The following STX18 variants were observed in gnomAD, a reference collection of about 807,000 sequenced individuals.
STX18 encodes the protein syntaxin-18.
STX18 carries 40 observed loss-of-function variants against 50.1 expected under a neutral mutation model. That is an observed-to-expected ratio of 0.80 (90% CI 0.62 to 1.04). The LOEUF (loss-of-function observed/expected upper bound fraction) is 1.04. STX18 is among the 50% of genes least tolerant of loss of function. STX18 has a pLI of 0.00. For synonymous variants in STX18, 158 were observed against 151.8 expected (o/e 1.04, Z -0.30); for missense variants, 410 against 415.8 (o/e 0.99, Z 0.12).
intron 5 of STX18, among the ~76,000 whole-genome samples, chr4:4,445,223 G>A (rs1036493162): frequency 6.6e-6 from 1 of 152,066 alleles, no homozygotes. Flanking sequence ...CCTGGCCAAC[G>A]AGGTGAAACC....
chr4:4,504,639 A>G (rs1266653123), intron 1 of STX18, among the ~76,000 whole-genome samples: 1 of 152,210 alleles, frequency 6.6e-6, no homozygotes, highest in Non-Finnish European at 1.5e-5. Flanking sequence ...ACAAAAAACT[A>G]AATTAAAAAT....
chr4:4,470,355 C>A (rs1480774537), intron 2 of STX18, among the ~76,000 whole-genome samples: 1 of 152,170 alleles, frequency 6.6e-6, no homozygotes, highest in Non-Finnish European at 1.5e-5. Flanking sequence ...TGCCAAATGT[C>A]CCCTGGGGTG....
intron 1 of STX18, chr4:4,507,491 AGAG>A (rs1193809621): frequency 5.2e-6 from 4 of 765,992 alleles, no homozygotes; most frequent in South Asian, 2.7e-5. Flanking sequence ...TTTATCGCTC[AGAG>A]GAGAATTCTG....
intron 5 of STX18, among the ~76,000 whole-genome samples, chr4:4,456,247 G>T (rs1455340583): frequency 6.6e-6 from 1 of 151,392 alleles, no homozygotes; most frequent in Admixed American, 6.6e-5. Context: ...GACAGGGTGA[G>T]ACCCTGTCTC....
intron 7 of STX18, 62 bp from the exon 8 acceptor site, chr4:4,425,284 G>T: frequency 6.8e-7 from 1 of 1,466,198 alleles, no homozygotes; most frequent in East Asian, 2.3e-5. Flanking sequence ...AGTCTAGCAA[G>T]AAAGCGGACC....
intron 9 of STX18, among the ~76,000 whole-genome samples, chr4:4,423,098 C>T (rs935313393): frequency 3.9e-5 from 6 of 152,216 alleles, no homozygotes; most frequent in African/African-American, 1.2e-4. Flanking sequence ...AGCAACTGCC[C>T]GTCAGCATCG....
In STX18 at chr4:4,499,533, A is replaced by G. The variant is rs151063849; in HGVS notation, c.169-27827T>C. 7.4e-4 allele frequency: 728 copies of G among 985,454 alleles called. 2 individuals carry two copies. The African/African-American group carries it at 0.011, about 15-fold the overall frequency. 61.0% of individuals were successfully genotyped at this position (985,454 alleles called of 1,614,324 possible). ...GCAAAGAAACAGCAAAATGGATCCC[A>G]GCAAGCCTAGCACTGATTAAAGCTG... On this transcript the variant is annotated intron_variant, in intron 1 of 10. Transcript: ENST00000306200.
chr4:4,463,582 A>G (rs112056699), intron 2 of STX18, among the ~76,000 whole-genome samples: 16 of 152,222 alleles, frequency 1.1e-4, no homozygotes, highest in African/African-American at 3.6e-4. Flanking sequence ...TTAATAAGTG[A>G]TTTGTATGAA....
chr4:4,463,726 C>T (rs775708858), intron 2 of STX18, among the ~76,000 whole-genome samples: 17 of 152,270 alleles, frequency 1.1e-4, no homozygotes, highest in Non-Finnish European at 2.1e-4. Flanking sequence ...CCTATCAAAT[C>T]AGTATTTGAT....
chr4:4,455,943 A>C (rs75537978), intron 5 of STX18, among the ~76,000 whole-genome samples: 3,660 of 152,152 alleles, frequency 0.024, 141 homozygotes, highest in African/African-American at 0.083. Flanking sequence ...CTCTTAGTGA[A>C]TCCTAGAACC....
rs976758639 is a variant in STX18, at chr4:4,535,686, A to G, written c.168+6111T>C. On this transcript the variant is annotated intron_variant, in intron 1 of 10. Transcript: ENST00000306200. ...TCCTGCCATATTTAAAAAGAAATCT[A>G]TATGATTCAGCACACTCATGCTCTG... Among the ~76,000 whole-genome samples the G allele has an allele frequency of 3.3e-5, 5 of 152,128 alleles. No individual in the cohort carries two copies. In the South Asian group the frequency reaches 6.2e-4, roughly 19 times the overall value.
intron 7 of STX18, among the ~76,000 whole-genome samples, chr4:4,434,466 A>T (rs1725677137): frequency 2.6e-5 from 4 of 152,246 alleles, no homozygotes. Context: ...TCATAGTGGC[A>T]TTTATAAAAG....
intron 5 of STX18, among the ~76,000 whole-genome samples, chr4:4,456,718 C>A (rs1047963496): frequency 2.0e-5 from 3 of 152,184 alleles, no homozygotes; most frequent in African/African-American, 7.2e-5. Flanking sequence ...TGGTGGCCTG[C>A]TTGTTGTGCC....
intron 8 of STX18, 121 bp downstream of exon 8, chr4:4,425,042 AG>A (rs1442125557): frequency 2.6e-5 from 22 of 848,912 alleles, no homozygotes; most frequent in Non-Finnish European, 3.7e-5. Flanking sequence ...AAAATGGCTG[AG>A]GGGGGCTGCA....
chr4:4,481,923 T>G (rs1376986199), intron 1 of STX18, among the ~76,000 whole-genome samples: 1 of 152,190 alleles, frequency 6.6e-6, no homozygotes, highest in Non-Finnish European at 1.5e-5. Flanking sequence ...CTTCTTTTCT[T>G]TCAGCAGTTG....
intron 5 of STX18, among the ~76,000 whole-genome samples, chr4:4,441,497 C>G (rs1726106147): frequency 6.6e-6 from 1 of 152,106 alleles, no homozygotes; most frequent in Non-Finnish European, 1.5e-5. Context: ...AGAGAAGATT[C>G]TACTTGCAAT....
chr4:4,535,205 C>G (rs1172261388), intron 1 of STX18, among the ~76,000 whole-genome samples: 1 of 152,236 alleles, frequency 6.6e-6, no homozygotes, highest in Non-Finnish European at 1.5e-5. Flanking sequence ...TTTCAAAGAA[C>G]AGGTTAATAT....
At chr4:4,482,380 G>A (rs1728505041) in intron 1 of STX18, among the ~76,000 whole-genome samples, 1 of 152,148 alleles carries the variant, frequency 6.6e-6, no homozygotes, top group Non-Finnish European at 1.5e-5. Context: ...TGTCCCAACG[G>A]TATCCTCATG....
chr4:4,468,551 T>C (rs1577349971), intron 2 of STX18, among the ~76,000 whole-genome samples: 1 of 152,112 alleles, frequency 6.6e-6, no homozygotes. Context: ...GTCCTTGTTA[T>C]TGGCTTTGCA....
Sources: gnomAD v4.1 joint callset for allele counts (sites outside exome capture counted in the v4.1 genomes callset) on GRCh38, gnomAD v4.1.1 for gene constraint, MANE v1.5 for transcripts, NCBI Gene and HGNC (gene_info 2026-07-23, HGNC 2026-07-21) for gene names.